The following NTRK1 variants were observed in gnomAD, a reference collection of about 807,000 sequenced individuals.
The protein encoded by NTRK1 is neurotrophic receptor tyrosine kinase 1.
Under a neutral mutation model 86.8 loss-of-function variants are expected in NTRK1, and 62 were observed. The ratio of observed to expected loss-of-function variants is 0.71; its 90% CI spans 0.58 to 0.88. The LOEUF (loss-of-function observed/expected upper bound fraction) is 0.88, where lower values mean the gene tolerates loss of function less well. NTRK1 is among the 40% of genes least tolerant of loss of function. NTRK1 has a pLI of 0.00. For synonymous variants in NTRK1, 469 were observed against 456.6 expected (o/e 1.03, Z -0.35); for missense variants, 967 against 1,078.4 (o/e 0.90, Z 1.45).
In NTRK1 at chr1:156,854,364, C is replaced by T. The variant is rs1655339057; in HGVS notation, c.51-9990C>T. 2 of 1,492,676 alleles carry T rather than the reference C, an allele frequency of 1.3e-6. No individual in the cohort carries two copies. Among genetic ancestry groups the T allele is most frequent in the Non-Finnish European group, 1.8e-6 (2 of 1,112,764 alleles). 92.5% of individuals were successfully genotyped at this position (1,492,676 alleles called of 1,614,324 possible). A position where few individuals can be genotyped will look rare whatever the true frequency, so the allele number is the denominator to read the frequency against. ...CCCAGGCCAAATTCCCCATCCAGCC[C>T]TGGCAGCTTTGGAGGGGAGCCACAC... On this transcript the variant is annotated intron_variant, in intron 2 of 16. Coordinates refer to the NTRK1 transcript ENST00000392302. This position sits in a 1 kb window ranked among gnomAD's most constrained non-coding sequence, Gnocchi z 4.2.
chr1:156,852,136 G>C (rs778753284), intron 2 of NTRK1: 1 of 1,612,980 alleles, frequency 6.2e-7, no homozygotes, highest in Admixed American at 1.7e-5. Flanking sequence ...CCAGGCATTC[G>C]GTGTGGCAGC....
chr1:156,848,966 A>G (rs771619204), intron 2 of NTRK1: 2 of 1,604,968 alleles, frequency 1.2e-6, no homozygotes, highest in African/African-American at 1.3e-5. Flanking sequence ...GCGGGCCTCC[A>G]GTGGCTCATA....
At chr1:156,869,722 G>A (rs1339323814) in intron 6 of NTRK1, among the ~76,000 whole-genome samples, 4 of 152,192 alleles carry the variant, frequency 2.6e-5, no homozygotes, top group Non-Finnish European at 5.9e-5. Context: ...ACATGCCTTT[G>A]GACATCTTCC....
chr1:156,851,955 T>C, intron 2 of NTRK1: 1 of 1,606,748 alleles, frequency 6.2e-7, no homozygotes, highest in Non-Finnish European at 8.5e-7. Flanking sequence ...ATGCCGAAGG[T>C]GGAGGCACGG....
At chr1:156,879,394 T>G in intron 15 of NTRK1, 32 bp downstream of exon 15, 1 of 1,581,460 alleles carries the variant, frequency 6.3e-7, no homozygotes, top group South Asian at 1.1e-5. Context: ...CGCCTTCCCC[T>G]GCATCCAAAC....
chr1:156,822,243 T>C (rs1654209107), intron 1 of NTRK1, among the ~76,000 whole-genome samples: 1 of 152,216 alleles, frequency 6.6e-6, no homozygotes, highest in Non-Finnish European at 1.5e-5. Flanking sequence ...AACGGTGACA[T>C]TCCTAGTTTC....
intron 2 of NTRK1, among the ~76,000 whole-genome samples, chr1:156,855,773 C>T (rs112656964): frequency 3.0e-4 from 46 of 152,008 alleles, no homozygotes; most frequent in African/African-American, 1.0e-3. Context: ...TGCAGTGAGC[C>T]GTGATCACGC....
chr1:156,872,306 G>T (rs1021357958), intron 7 of NTRK1, among the ~76,000 whole-genome samples: 20 of 152,114 alleles, frequency 1.3e-4, no homozygotes, highest in Non-Finnish European at 2.6e-4. Context: ...ACCTCTCCCT[G>T]TTCGCAATCC....
upstream of NTRK1, among the ~76,000 whole-genome samples, chr1:156,860,286 C>A (rs887089176): frequency 6.6e-6 from 1 of 152,228 alleles, no homozygotes; most frequent in Non-Finnish European, 1.5e-5. Context: ...CTCTTGGAGG[C>A]GCGGTCTTGG....
intron 1 of NTRK1, among the ~76,000 whole-genome samples, chr1:156,862,492 G>A (rs1370528180): frequency 6.6e-6 from 1 of 152,170 alleles, no homozygotes; most frequent in Admixed American, 6.5e-5. Flanking sequence ...GTAGGGATGG[G>A]AGTGGTAGGG....
chr1:156,823,804 T>A (rs1162525758), intron 1 of NTRK1, among the ~76,000 whole-genome samples: 1 of 152,206 alleles, frequency 6.6e-6, no homozygotes, highest in Non-Finnish European at 1.5e-5. Context: ...ATCAGGCCAT[T>A]GTGCCAGCAC....
chr1:156,827,326 A>G (rs1321123504), intron 1 of NTRK1, among the ~76,000 whole-genome samples: 1 of 151,404 alleles, frequency 6.6e-6, no homozygotes, highest in African/African-American at 2.4e-5. Context: ...CAGTGGTGCT[A>G]TCTTGGCTCA....
intron 2 of NTRK1, chr1:156,849,115 C>A: frequency 1.3e-6 from 2 of 1,596,834 alleles, no homozygotes; most frequent in Non-Finnish European, 1.7e-6. Context: ...CCTGACCCCG[C>A]GGCATCCCAT....
chr1:156,834,200 C>G (rs538645195), intron 1 of NTRK1, among the ~76,000 whole-genome samples: 31 of 152,256 alleles, frequency 2.0e-4, no homozygotes, highest in African/African-American at 6.7e-4. Flanking sequence ...CACGGGGAAG[C>G]CACAGAGACC....
At chr1:156,869,073 T>C (rs986448179) in intron 6 of NTRK1, among the ~76,000 whole-genome samples, 3 of 147,380 alleles carry the variant, frequency 2.0e-5, no homozygotes, top group Non-Finnish European at 3.0e-5. Context: ...CCTTCCTTCC[T>C]TCCTTCCTTC....
Position 156,861,068 on chromosome 1 carries a change from C to T in NTRK1, c.134C>T (p.Ser45Phe). 6.4e-7 allele frequency: 1 copy of T among 1,570,642 alleles called. No individual in the cohort carries two copies. The highest frequency in any genetic ancestry group is 8.6e-7 in the Non-Finnish European group (1 of 1,162,564). ...PCPDACCPHG[S>F]SGLRCTRDGA... ...CCCGATGCCTGCTGCCCCCACGGCT[C>T]CTCGGGACTGCGATGCACCCGGGAT... Residue 45 changes from serine (S) to phenylalanine (F), a missense_variant, in exon 1 of 17, where the codon TCC becomes TTC. By Grantham distance (155) the Ser-to-Phe change is radical. This residue lies in a region of NTRK1 where 330 missense variants were observed against 302.0 expected (regional missense o/e 1.09). Transcript: ENST00000524377.
At chr1:156,824,437 T>G (rs1038255751) in intron 1 of NTRK1, among the ~76,000 whole-genome samples, 1 of 152,142 alleles carries the variant, frequency 6.6e-6, no homozygotes, top group Admixed American at 6.5e-5. Flanking sequence ...GGCAGGTGAT[T>G]TGGGAGTCTG....
intron 2 of NTRK1, chr1:156,852,277 T>G (rs946344160): frequency 7.4e-7 from 1 of 1,344,486 alleles, no homozygotes; most frequent in Non-Finnish European, 1.0e-6. Flanking sequence ...CTGTTTCTCT[T>G]GGGATGACAC....
rs1031367038 is a variant in NTRK1, at chr1:156,874,167, C to G, written c.1177+208C>G. Reference sequence around the variant, plus strand: ...TCCTGAGCTATTCCGTCCTTGTCGGCTGGCTGAGGAGACAGCCATGCAGCA... The same window carrying G: ...TCCTGAGCTATTCCGTCCTTGTCGGGTGGCTGAGGAGACAGCCATGCAGCA... On this transcript the variant is annotated intron_variant, in intron 8 of 16. Transcript: ENST00000524377. The G allele has an allele frequency of 5.6e-6, 5 of 897,170 alleles. No homozygotes were observed. In the African/African-American group the frequency reaches 8.2e-5, roughly 15 times the overall value. The allele number at this position is 897,170 out of a possible 1,614,324, so 55.6% of individuals were successfully genotyped here. A position where few individuals can be genotyped will look rare whatever the true frequency, so the allele number is the denominator to read the frequency against.
Sources: allele counts gnomAD v4.1 joint callset (sites outside exome capture counted in the v4.1 genomes callset), GRCh38; gene constraint gnomAD v4.1.1; regional missense constraint gnomAD v4.1.1; non-coding constraint Gnocchi (gnomAD v3.1); transcripts MANE v1.5; gene names NCBI Gene and HGNC (gene_info 2026-07-23, HGNC 2026-07-21).